RTP5: variants seen among roughly 807,000 people sequenced by gnomAD.
RTP5 encodes receptor transporter protein 5 (putative), also known as receptor-transporting protein 5.
Under a neutral mutation model 23.5 loss-of-function variants are expected in RTP5, and 30 were observed. That is an observed-to-expected ratio of 1.27 (90% CI 0.95 to 1.73). The LOEUF is 1.73. Among genes scored for constraint, RTP5 ranks in the 40% most tolerant of loss-of-function variants. The pLI, the probability that RTP5 is intolerant of heterozygous loss-of-function variation, is 0.00. For missense variants in RTP5, 807 were observed against 784.2 expected, an observed-to-expected ratio of 1.03 and a Z score of -0.35; for synonymous variants, 354 against 342.1, an observed-to-expected ratio of 1.03 and a Z score of -0.38.
Position 241,871,930 on chromosome 2 carries a change from CT to C in RTP5, c.376del (p.Tyr126ThrfsTer107). On this transcript the variant is annotated frameshift_variant, in exon 2 of 2. Transcript: ENST00000343216. LOFTEE classifies it low-confidence loss of function (END_TRUNC). Reference sequence around the variant, plus strand: ...TGGTCTTGCACATCCTGCAGGACTGCTACGGGGATGGCCCCGGCCCAGCCCG... The same window carrying C: ...TGGTCTTGCACATCCTGCAGGACTGCACGGGGATGGCCCCGGCCCAGCCCG... Reference protein sequence around the residue: ...RLVLHILQDCYGDGPGPARHP... With the variant: ...RLVLHILQDCXGDGPGPARHP... The C allele has an allele frequency of 6.3e-7, 1 of 1,587,466 alleles. No homozygotes were observed. The highest frequency in any genetic ancestry group is 1.7e-4 in the Middle Eastern group (1 of 6,004).
Position 241,871,799 on chromosome 2 carries a change from C to T in RTP5, c.244C>T (p.Arg82Trp), listed in dbSNP as rs755194626. 25 of 1,577,496 alleles carry T rather than the reference C, an allele frequency of 1.6e-5. No homozygotes were observed. The highest frequency in any genetic ancestry group is 2.7e-5 in the African/African-American group (2 of 74,164). Residue 82 changes from arginine to tryptophan, a missense_variant, in exon 2 of 2, where the codon CGG becomes TGG. Arg to Trp is a moderately radical substitution (Grantham distance 101). Coordinates refer to ENST00000343216, the MANE Select transcript of RTP5 (RefSeq NM_173821.3). ...FHLWWDRASH[R>W]GLVKMRIWGQ... is the part of the protein sequence containing the mutation. Reference sequence around the variant, plus strand: ...CCTGTGGTGGGACAGGGCCAGCCACCGGGGGCTGGTGAAGATGCGCATCTG... The same window carrying T: ...CCTGTGGTGGGACAGGGCCAGCCACTGGGGGCTGGTGAAGATGCGCATCTG...
chr2:241,872,394 T>C lies in RTP5; in HGVS notation c.839T>C (p.Ile280Thr). 2.5e-6 allele frequency: 4 copies of C among 1,612,482 alleles called. No individual in the cohort carries two copies. The highest frequency in any genetic ancestry group is 3.4e-6 in the Non-Finnish European group (4 of 1,179,884). Residue 280 changes from isoleucine to threonine, a missense_variant, in exon 2 of 2, where the codon ATC becomes ACC. Transcript: ENST00000343216. ...FHGPGLLGSSIQTFELKGFLF... is the reference protein window; with the variant it reads ...FHGPGLLGSSTQTFELKGFLF... ...GGCCCCGGCCTCCTCGGCAGCAGCA[T>C]CCAGACCTTCGAGCTCAAGGGCTTC...
chr2:241,872,398 G>C lies in RTP5; in HGVS notation c.843G>C (p.Gln281His). ...CCGGCCTCCTCGGCAGCAGCATCCAGACCTTCGAGCTCAAGGGCTTCCTCT... is the reference window on the plus strand; with the variant it reads ...CCGGCCTCCTCGGCAGCAGCATCCACACCTTCGAGCTCAAGGGCTTCCTCT... ...HGPGLLGSSIQTFELKGFLFK... is the reference protein window; with the variant it reads ...HGPGLLGSSIHTFELKGFLFK... Residue 281 changes from glutamine (Q) to histidine (H), a missense_variant, in exon 2 of 2, where the codon CAG becomes CAC. Physicochemically the swap from Gln to His is conservative, Grantham distance 24. Transcript: ENST00000343216. The C allele has an allele frequency of 6.2e-7, 1 of 1,612,560 alleles. No homozygotes were observed. Among genetic ancestry groups the C allele is most frequent in the Non-Finnish European group, 8.5e-7 (1 of 1,179,916 alleles).
intron 1 of RTP5, chr2:241,870,867 G>A: frequency 8.7e-6 from 4 of 458,948 alleles, no homozygotes; most frequent in African/African-American, 2.0e-5. Context: ...CAGCACGAAC[G>A]TGTCCACGGG....
At chr2:241,871,662 G>A in intron 1 of RTP5, 52 bp from the exon 2 acceptor site, 1 of 1,525,818 alleles carries the variant, frequency 6.6e-7, no homozygotes, top group South Asian at 1.3e-5. Flanking sequence ...GCGAGGGCTG[G>A]GCGTGGGGCC....
chr2:241,869,750 C>T lies in RTP5; in HGVS notation c.-7C>T, dbSNP rs867398539. On this transcript the variant is annotated 5_prime_UTR_variant, in exon 1 of 2. Coordinates refer to ENST00000343216, the MANE Select transcript of RTP5 (RefSeq NM_173821.3). ...CCTCAGCCCACACTGCGGAGCCAGG[C>T]GGCAGCATGGACCGGGCTGGGGCAG... 1.1e-5 allele frequency: 17 copies of T among 1,515,286 alleles called. No individual in the cohort carries two copies. In the Middle Eastern group the frequency reaches 9.5e-4, roughly 85 times the overall value. 93.9% of individuals were successfully genotyped at this position (1,515,286 alleles called of 1,614,324 possible).
chr2:241,872,436 G>T lies in RTP5; in HGVS notation c.881G>T (p.Gly294Val), dbSNP rs371087280. Residue 294 changes from glycine (G) to valine (V), a missense_variant, in exon 2 of 2, where the codon GGC becomes GTC. Transcript: ENST00000343216. The stretch of plus-strand genomic sequence containing the variant: ...AAGGGCTTCCTCTTCAAAGGCCGGG[G>T]CTCCCTCTGCAGCCCGGTTGGCGTG... ...ELKGFLFKGR[G>V]SLCSPVGVAQ... The T allele has an allele frequency of 7.9e-5, 127 of 1,609,250 alleles. 1 individual carries two copies. In the Middle Eastern group the frequency reaches 8.3e-4, roughly 10 times the overall value.
At position 241,871,879 on chromosome 2, in the gene RTP5, G is replaced by T; in HGVS notation, c.324G>T (p.Pro108=). 6.4e-7 allele frequency: 1 copy of T among 1,551,114 alleles called. No individual in the cohort carries two copies. The highest frequency in any genetic ancestry group is 8.7e-7 in the Non-Finnish European group (1 of 1,145,476). The part of the protein sequence containing the change: ...PAPGDCQVRP[P]GEQPFLSRLV... ...CCGGGGACTGCCAGGTGAGGCCCCC[G>T]GGCGAGCAGCCCTTCCTCAGCAGGC... Residue 108 remains proline, a synonymous_variant, in exon 2 of 2, where the codon CCG becomes CCT. Transcript: ENST00000343216.
In RTP5 at chr2:241,872,779, C is replaced by A. The variant is rs774277528; in HGVS notation, c.1224C>A (p.Thr408=). ...TGGGTCACGACGCCCTGCCAGAGACCAATGCTGGTGGCCTCCCCTCCCAGG... is the reference window on the plus strand; with the variant it reads ...TGGGTCACGACGCCCTGCCAGAGACAAATGCTGGTGGCCTCCCCTCCCAGG... ...VPVGHDALPE[T]NAGGLPSQVK... Residue 408 remains threonine (T), a synonymous_variant, in exon 2 of 2, where the codon ACC becomes ACA. Transcript: ENST00000343216. 3.7e-6 allele frequency: 6 copies of A among 1,605,178 alleles called. No homozygotes were observed. In the African/African-American group the frequency reaches 8.0e-5, roughly 21 times the overall value.
In RTP5 at chr2:241,871,772, C is replaced by A; in HGVS notation, c.217C>A (p.His73Asn). Residue 73 changes from histidine to asparagine, a missense_variant, in exon 2 of 2, where the codon CAC becomes AAC. Physicochemically the swap from His to Asn is moderately conservative, Grantham distance 68 (BLOSUM62 1). Coordinates refer to ENST00000343216, the MANE Select transcript of RTP5 (RefSeq NM_173821.3). Reference sequence around the variant, plus strand: ...CTCGGCCCATGTGCACGTCCTCTTCCACCTGTGGTGGGACAGGGCCAGCCA... The same window carrying A: ...CTCGGCCCATGTGCACGTCCTCTTCAACCTGTGGTGGGACAGGGCCAGCCA... ...WDSAHVHVLF[H>N]LWWDRASHRG... is the part of the protein sequence containing the mutation. 1 of 1,597,214 alleles carries A rather than the reference C, an allele frequency of 6.3e-7. No homozygotes were observed. Among genetic ancestry groups the A allele is most frequent in the Admixed American group, 1.7e-5 (1 of 57,570 alleles).
rs976590336 is a variant in RTP5, at chr2:241,872,965, C to T, written c.1410C>T (p.Gly470=). ...AGGGCCCCATCACGGTTAGTGAGGG[C>T]TGCATCACCATCCCCTTCGCAGTCT... ...NAEGPITVSE[G]CITIPFAVFD... Residue 470 remains glycine, a synonymous_variant, in exon 2 of 2, where the codon GGC becomes GGT. Coordinates refer to ENST00000343216, the MANE Select transcript of RTP5 (RefSeq NM_173821.3). 1 of 1,613,122 alleles carries T rather than the reference C, an allele frequency of 6.2e-7. No homozygotes were observed. Among genetic ancestry groups the T allele is most frequent in the African/African-American group, 1.3e-5 (1 of 75,070 alleles).
chr2:241,871,990 G>A lies in RTP5; in HGVS notation c.435G>A (p.Glu145=). 1 of 1,586,054 alleles carries A rather than the reference G, an allele frequency of 6.3e-7. No individual in the cohort carries two copies. Among genetic ancestry groups the A allele is most frequent in the African/African-American group, 1.3e-5 (1 of 74,544 alleles). The change falls in exon 2 of 2, where the codon GAG becomes GAA. Residue 145 remains glutamate, a synonymous_variant. Coordinates refer to ENST00000343216, the MANE Select transcript of RTP5 (RefSeq NM_173821.3). The stretch of plus-strand genomic sequence containing the variant: ...GGGAGGCCTATGAGGGCTGCTGTGA[G>A]GCCTGTGAGCTGGGGGTCTGCTTCC... The part of the protein sequence containing the change: ...HPREAYEGCC[E]ACELGVCFLQ...
chr2:241,872,628 A>T lies in RTP5; in HGVS notation c.1073A>T (p.Asp358Val), dbSNP rs757102998. ...ACCAACACCCTCTCGGAGCCCACCG[A>T]TGGCCCTGTGGCCACTAAAGAGGCC... ...IFTNTLSEPT[D>V]GPVATKEASI... The change falls in exon 2 of 2, where the codon GAT becomes GTT. Residue 358 changes from aspartate (D) to valine (V), a missense_variant. Transcript: ENST00000343216. 2 of 1,556,938 alleles carry T rather than the reference A, an allele frequency of 1.3e-6. No individual in the cohort carries two copies. The highest frequency in any genetic ancestry group is 1.7e-6 in the Non-Finnish European group (2 of 1,152,682).
intron 1 of RTP5, among the ~76,000 whole-genome samples, chr2:241,870,692 A>G (rs1033781232): frequency 4.6e-5 from 7 of 152,242 alleles, no homozygotes; most frequent in African/African-American, 1.4e-4. Context: ...GGGTCTGAGA[A>G]GTGCTGGGAA....
Position 241,873,238 on chromosome 2 carries a change from T to C in RTP5, c.1683T>C (p.Cys561=), listed in dbSNP as rs753835294. 3 of 1,597,594 alleles carry C rather than the reference T, an allele frequency of 1.9e-6. No homozygotes were observed. In the East Asian group the frequency reaches 6.7e-5, roughly 36 times the overall value. ...TVCVFWLMCM[C]RLNPGIYPQQ... The stretch of plus-strand genomic sequence containing the variant: ...GCGTCTTCTGGCTGATGTGCATGTG[T>C]CGGCTGAACCCCGGGATCTACCCGC... Residue 561 remains cysteine (C), a synonymous_variant, in exon 2 of 2, where the codon TGT becomes TGC. Coordinates refer to ENST00000343216, the MANE Select transcript of RTP5 (RefSeq NM_173821.3).
At position 241,873,294 on chromosome 2, in the gene RTP5, CCCTCG is replaced by C; in HGVS notation, c.*25_*29del. On this transcript the variant is annotated 3_prime_UTR_variant, in exon 2 of 2. Coordinates refer to ENST00000343216, the MANE Select transcript of RTP5 (RefSeq NM_173821.3). ...GTGTGACGCCCCGAAGTTCAGGCAACCCTCGCCTCTGGGACCCCGCCTCGCCTCTG... is the reference window on the plus strand; with the variant it reads ...GTGTGACGCCCCGAAGTTCAGGCAACCCTCTGGGACCCCGCCTCGCCTCTG... The C allele has an allele frequency of 1.9e-6, 3 of 1,553,962 alleles. No individual in the cohort carries two copies. The highest frequency in any genetic ancestry group is 2.4e-5 in the South Asian group (2 of 84,630).
In RTP5 at chr2:241,871,442, C is replaced by T. The variant is rs769186367; in HGVS notation, c.159-272C>T. ...CTCAGTGCTCCACATGAGGGGGCTG[C>T]GGGCTAGTGCGCATGGGCCTGCTTT... On this transcript the variant is annotated intron_variant, in intron 1 of 1. Coordinates refer to ENST00000343216, the MANE Select transcript of RTP5 (RefSeq NM_173821.3). Among the ~76,000 whole-genome samples the T allele has an allele frequency of 3.7e-4, 57 of 152,334 alleles. No homozygotes were observed. The Middle Eastern group carries it at 0.014, about 36-fold the overall frequency.
chr2:241,871,740 C>G lies in RTP5; in HGVS notation c.185C>G (p.Thr62Ser). Residue 62 changes from threonine (T) to serine (S), a missense_variant, in exon 2 of 2, where the codon ACC becomes AGC. Coordinates refer to ENST00000343216, the MANE Select transcript of RTP5 (RefSeq NM_173821.3). ...CTCCAGTGCGGTCACTGTCCGGGGACCTGGGACTCGGCCCATGTGCACGTC... is the reference window on the plus strand; with the variant it reads ...CTCCAGTGCGGTCACTGTCCGGGGAGCTGGGACTCGGCCCATGTGCACGTC... ...SRLQCGHCPG[T>S]WDSAHVHVLF... 3.1e-6 allele frequency: 5 copies of G among 1,605,434 alleles called. No individual in the cohort carries two copies. Among genetic ancestry groups the G allele is most frequent in the Non-Finnish European group, 4.2e-6 (5 of 1,176,812 alleles).
At position 241,873,121 on chromosome 2, in the gene RTP5, C is replaced by T. The variant is rs1018353763; in HGVS notation, c.1566C>T (p.Arg522=). 1 of 1,612,580 alleles carries T rather than the reference C, an allele frequency of 6.2e-7. No homozygotes were observed. The highest frequency in any genetic ancestry group is 8.5e-7 in the Non-Finnish European group (1 of 1,179,968). Residue 522 remains arginine, a synonymous_variant, in exon 2 of 2, where the codon CGC becomes CGT. Transcript: ENST00000343216. ...TCCACAAGGCCCGCTGTGGGTGCCG[C>T]CGGGAGGAAGACGAGCGCCCTGGCC... ...SRFHKARCGC[R]REEDERPGRA... is the part of the protein sequence containing the mutation.
Sources: gnomAD v4.1 joint callset for allele counts (sites outside exome capture counted in the v4.1 genomes callset) on GRCh38, gnomAD v4.1.1 for gene constraint, MANE v1.5 for transcripts, NCBI Gene and HGNC (gene_info 2026-07-23, HGNC 2026-07-21) for gene names.